ARAF: variants seen among roughly 807,000 people sequenced by gnomAD.
The protein encoded by ARAF is A-Raf proto-oncogene, serine/threonine kinase, also known as serine/threonine-protein kinase A-Raf.
ARAF carries 18 observed loss-of-function variants against 48.0 expected under a neutral mutation model. The ratio of observed to expected loss-of-function variants is 0.37; its 90% CI spans 0.26 to 0.56. The LOEUF is 0.56. ARAF is among the 20% of genes least tolerant of loss of function. The pLI is 0.77. For synonymous variants in ARAF, 207 were observed against 220.1 expected (o/e 0.94, Z 0.53); for missense variants, 389 against 543.1 (o/e 0.72, Z 2.82).
At chrX:47,571,279 C>T in intron 15 of ARAF, 44 bp from the exon 16 acceptor site, 2 of 1,181,850 alleles carry the variant, frequency 1.7e-6, no homozygotes, top group Non-Finnish European at 2.3e-6. Context: ...GTTGGGATGC[C>T]CACAGGGCTC....
At chrX:47,565,390 A>G (rs2147904463) in intron 6 of ARAF, 40 bp downstream of exon 6, 2 of 1,193,916 alleles carry the variant, frequency 1.7e-6, no homozygotes, top group Non-Finnish European at 2.3e-6. Flanking sequence ...GGGGAGAAAA[A>G]GATCTTGGGG....
Position 47,571,449 on chromosome X carries a change from G to A in ARAF, c.1813G>A (p.Val605Met). Residue 605 changes from valine to methionine, a missense_variant, in exon 16 of 16, where the codon GTG (valine) becomes ATG (methionine). Physicochemically the swap from Val to Met is conservative, Grantham distance 21. This residue lies in a region of ARAF where 170 missense variants were observed against 281.4 expected (regional missense o/e 0.60). Transcript: ENST00000377045. ...PACLLSAARLVP is the reference protein window; with the variant it reads ...PACLLSAARLMP The stretch of plus-strand genomic sequence containing the variant: ...CTGCCTACTCAGCGCAGCCCGCCTT[G>A]TGCCTTAGGCCCCGCCCAAGCCACC... 2 of 1,204,105 alleles carry A rather than the reference G, an allele frequency of 1.7e-6. No homozygotes were observed. Among genetic ancestry groups the A allele is most frequent in the East Asian group, 3.0e-5 (1 of 33,598 alleles).
Position 47,567,938 on chromosome X carries a change from G to A in ARAF, c.1076+506G>A, listed in dbSNP as rs146772116. Among the ~76,000 whole-genome samples, 1,045 of 110,830 alleles carry A rather than the reference G, an allele frequency of 9.4e-3. 13 individuals are homozygous for A. Among genetic ancestry groups the A allele is most frequent in the African/African-American group, 0.031 (949 of 30,418 alleles). ...ATCAATACAGTATTCATCTAGTCAC[G>A]CTAAGAAAGCCAGGTGTCTCCTTTT... On this transcript the variant is annotated intron_variant, in intron 10 of 15. Transcript: ENST00000377045.
Position 47,567,104 on chromosome X carries a change from G to T in ARAF, c.846G>T (p.Lys282Asn). Residue 282 changes from lysine to asparagine, a missense_variant, in exon 9 of 16, where the codon AAG becomes AAT. Around this residue, in one of 4 missense-constraint regions of ARAF, gnomAD observed 154 missense variants for 133.6 expected, o/e 1.15. Transcript: ENST00000377045. ...CACCAGCAGAGCAGCGCGAGCGGAAGTCCTTGGCCGATGACAAGAAGAAAG... is the reference window on the plus strand; with the variant it reads ...CACCAGCAGAGCAGCGCGAGCGGAATTCCTTGGCCGATGACAAGAAGAAAG... ...SKSPAEQRER[K>N]SLADDKKKVK... 8.3e-7 allele frequency: 1 copy of T among 1,211,743 alleles called. No homozygotes were observed. Among genetic ancestry groups the T allele is most frequent in the Non-Finnish European group, 1.1e-6 (1 of 895,473 alleles).
At chrX:47,566,573 G>A in intron 6 of ARAF, 66 bp from the exon 7 acceptor site, 11 of 1,069,551 alleles carry the variant, frequency 1.0e-5, no homozygotes, top group Non-Finnish European at 1.4e-5. Flanking sequence ...ATGGCTGGGG[G>A]TGGGGTGGGG....
chrX:47,569,800 G>A, intron 13 of ARAF, 93 bp from the exon 14 acceptor site: 1 of 1,144,207 alleles, frequency 8.7e-7, no homozygotes, highest in Non-Finnish European at 1.2e-6. Flanking sequence ...GGGTGGCTCT[G>A]AGTTGTACCC....
Position 47,569,660 on chromosome X carries a change from G to T in ARAF, c.1419+3G>T. 3.3e-6 allele frequency: 4 copies of T among 1,205,901 alleles called. No individual in the cohort carries two copies. The highest frequency in any genetic ancestry group is 4.5e-6 in the Non-Finnish European group (4 of 890,730). ...CCTCAGGATCTGTGCTGTGGATGGT[G>T]AGTTGGGCCAGGCTGGATGGGGGGC... On this transcript the variant is annotated splice_donor_region_variant and intron_variant, in intron 13 of 15. Transcript: ENST00000377045.
At chrX:47,562,266 C>G (rs1052204943) in intron 1 of ARAF, among the ~76,000 whole-genome samples, 5 of 109,896 alleles carry the variant, frequency 4.5e-5, no homozygotes, top group Admixed American at 9.7e-5. Flanking sequence ...GGTGGATCAT[C>G]TGAGGTCAGG....
rs1417759306 is a variant in ARAF at position 47,569,712 on chromosome X, G to C, written c.1419+55G>C. 32 of 1,134,401 alleles carry C rather than the reference G, an allele frequency of 2.8e-5. No homozygotes were observed. The African/African-American group carries it at 4.9e-4, about 17-fold the overall frequency. 93.5% of individuals were successfully genotyped at this position (1,134,401 alleles called of 1,213,427 possible). A position where few individuals can be genotyped will look rare whatever the true frequency, so the allele number is the denominator to read the frequency against. On this transcript the variant is annotated intron_variant, in intron 13 of 15. Transcript: ENST00000377045. ...CATGGGGACGTGGGCTCCGGGATTG[G>C]GGTGTGTGGGGCCAAGTGGGGACGG...
intron 14 of ARAF, among the ~76,000 whole-genome samples, chrX:47,570,659 A>G (rs1397166796): frequency 9.0e-6 from 1 of 111,045 alleles, no homozygotes; most frequent in Non-Finnish European, 1.9e-5. Flanking sequence ...TCTGAGCCCC[A>G]GATACCTACA....
At chrX:47,565,222 C>T in intron 5 of ARAF, 30 bp from the exon 6 acceptor site, 1 of 1,210,073 alleles carries the variant, frequency 8.3e-7, no homozygotes, top group Non-Finnish European at 1.1e-6. Context: ...GACCCGTGTC[C>T]CCTTGCTTTA....
Position 47,563,027 on chromosome X carries a change from C to T in ARAF, c.60C>T (p.Thr20=), listed in dbSNP as rs201204685. 1.3e-5 allele frequency: 16 copies of T among 1,198,273 alleles called. No homozygotes were observed. In the East Asian group the frequency reaches 2.1e-4, roughly 16 times the overall value. The stretch of plus-strand genomic sequence containing the variant: ...CCGAGCCATCCCGGGCAGTGGGCAC[C>T]GTCAAAGTATACCTGCCCAACAAGC... ...NGAEPSRAVG[T]VKVYLPNKQR... Residue 20 remains threonine (T), a synonymous_variant, in exon 2 of 16, where the codon ACC becomes ACT. Transcript: ENST00000377045.
intron 14 of ARAF, among the ~76,000 whole-genome samples, chrX:47,570,602 ACTTTCCAGGTCCCTAAG>A (rs1255440484): frequency 9.1e-6 from 1 of 110,213 alleles, no homozygotes; most frequent in African/African-American, 3.3e-5. Context: ...GAGACTCAGT[ACTTTCCAGGTCCCTAAG>A]CCTCCTAGAA....
intron 14 of ARAF, among the ~76,000 whole-genome samples, chrX:47,570,500 C>G (rs1373385316): frequency 9.0e-6 from 1 of 110,647 alleles, no homozygotes; most frequent in South Asian, 3.9e-4. Context: ...GGGTATCTAG[C>G]AGGCCCCAGG....
Position 47,562,893 on chromosome X carries a change from G to T in ARAF, c.-59-16G>T. ...ATCATTATTGGACCTCTGAATTCTT[G>T]TCTGCCTTCTTGTAGGAGCCCCATG... is the stretch of plus-strand genomic sequence containing the variant. On this transcript the variant is annotated splice_polypyrimidine_tract_variant and intron_variant, in intron 1 of 15. Coordinates refer to ENST00000377045, the MANE Select transcript of ARAF (RefSeq NM_001654.5). 2.5e-6 allele frequency: 2 copies of T among 807,976 alleles called. No individual in the cohort carries two copies. The highest frequency in any genetic ancestry group is 1.7e-6 in the Non-Finnish European group (1 of 573,304). The allele number at this position is 807,976 out of a possible 1,213,427, so 66.6% of individuals were successfully genotyped here.
Position 47,571,539 on chromosome X carries a change from T to G in ARAF, c.*82T>G. ...CCACCAGCCAATCAATGTTCGTCTC[T>G]GCCCTGATGCTGCCTCAGGATCCCC... On this transcript the variant is annotated 3_prime_UTR_variant, in exon 16 of 16. Transcript: ENST00000377045. The G allele has an allele frequency of 9.2e-7, 1 of 1,089,098 alleles. No individual in the cohort carries two copies. Among genetic ancestry groups the G allele is most frequent in the Non-Finnish European group, 1.2e-6 (1 of 826,882 alleles). 89.8% of individuals were successfully genotyped at this position (1,089,098 alleles called of 1,213,427 possible).
intron 14 of ARAF, 69 bp downstream of exon 14, chrX:47,570,093 C>T (rs777520349): frequency 8.0e-6 from 9 of 1,130,192 alleles, no homozygotes; most frequent in East Asian, 3.1e-5. Flanking sequence ...ACCCCACATC[C>T]CCTCCTTTGC....
chrX:47,569,143 C>A (rs2057745042), intron 12 of ARAF, 110 bp downstream of exon 12: 1 of 999,650 alleles, frequency 1.0e-6, no homozygotes, highest in South Asian at 2.2e-5. Flanking sequence ...TCCCAGAGCT[C>A]CTTGCCAGGT....
intron 10 of ARAF, among the ~76,000 whole-genome samples, chrX:47,568,372 G>A (rs1350718592): frequency 9.1e-6 from 1 of 110,238 alleles, no homozygotes; most frequent in Non-Finnish European, 1.9e-5. Context: ...CTGTGAGATG[G>A]TCACAGACCC....
Sources: gnomAD v4.1 joint callset for allele counts (sites outside exome capture counted in the v4.1 genomes callset) on GRCh38, gnomAD v4.1.1 for gene constraint, gnomAD v4.1.1 regional missense constraint, MANE v1.5 for transcripts, NCBI Gene and HGNC (gene_info 2026-07-23, HGNC 2026-07-21) for gene names.